Variants in RASGRP1 observed in about 807,000 individuals in gnomAD.
The protein encoded by RASGRP1 is RAS guanyl-releasing protein 1.
RASGRP1 carries 37 observed loss-of-function variants against 95.1 expected under a neutral mutation model. That is an observed-to-expected ratio of 0.39 (90% CI 0.30 to 0.51). The LOEUF is 0.51. Among genes scored for constraint, RASGRP1 ranks in the 20% least tolerant of loss-of-function variants. The pLI, the probability that RASGRP1 is intolerant of heterozygous loss-of-function variation, is 0.80. For missense variants in RASGRP1, 711 were observed against 965.4 expected, an observed-to-expected ratio of 0.74 and a Z score of 3.49; for synonymous variants, 325 against 353.4, an observed-to-expected ratio of 0.92 and a Z score of 0.90.
At chr15:38,496,073 G>C (rs1244488182) in intron 15 of RASGRP1, among the ~76,000 whole-genome samples, 3 of 152,020 alleles carry the variant, frequency 2.0e-5, no homozygotes, top group Non-Finnish European at 4.4e-5. Flanking sequence ...AATTAGGAGA[G>C]GTACAAGTTT....
chr15:38,511,083 A>G (rs996441782), intron 8 of RASGRP1, among the ~76,000 whole-genome samples: 8 of 152,256 alleles, frequency 5.3e-5, no homozygotes, highest in African/African-American at 1.9e-4. Flanking sequence ...TTAATAAAAC[A>G]TTATGTATTA....
At chr15:38,500,281 C>G (rs1312091056) in intron 13 of RASGRP1, 142 bp from the exon 14 acceptor site, 1 of 772,844 alleles carries the variant, frequency 1.3e-6, no homozygotes, top group Non-Finnish European at 2.2e-6. Context: ...TGTCTTGTCC[C>G]TTCTGACCTT....
At chr15:38,545,250 T>C (rs567343322) in intron 2 of RASGRP1, among the ~76,000 whole-genome samples, 2 of 152,334 alleles carry the variant, frequency 1.3e-5, no homozygotes, top group African/African-American at 4.8e-5. Flanking sequence ...ATTTATCTCC[T>C]CTGCACTCTC....
At chr15:38,511,148 G>A (rs903554804) in intron 8 of RASGRP1, among the ~76,000 whole-genome samples, 5 of 152,082 alleles carry the variant, frequency 3.3e-5, no homozygotes, top group South Asian at 2.1e-4. Context: ...TCAACTATCC[G>A]GAATGTCATT....
chr15:38,540,052 G>T (rs1892805008), intron 2 of RASGRP1, among the ~76,000 whole-genome samples: 1 of 152,048 alleles, frequency 6.6e-6, no homozygotes, highest in South Asian at 2.1e-4. Flanking sequence ...AAGTATCTGG[G>T]ACTATAGGCA....
In RASGRP1 at chr15:38,559,941, G is replaced by A. The variant is rs746190168; in HGVS notation, c.100C>T (p.Pro34Ser). The A allele has an allele frequency of 6.2e-7, 1 of 1,613,654 alleles. No homozygotes were observed. The highest frequency in any genetic ancestry group is 8.5e-7 in the Non-Finnish European group (1 of 1,179,686). ...ARLEAKPANS[P>S]FPSHPSLAHI... ...GCCAAGCTGGGATGGGAGGGGAAGG[G>A]GCTGTTGGCTGGCTTTGCCTCTAGT... is the stretch of plus-strand genomic sequence containing the variant. The change falls in exon 2 of 17, where the codon CCC (proline) becomes TCC (serine). Residue 34 changes from proline to serine, a missense_variant. Physicochemically the swap from Pro to Ser is moderately conservative, Grantham distance 74. Transcript: ENST00000310803.
intron 8 of RASGRP1, among the ~76,000 whole-genome samples, chr15:38,510,031 G>A (rs12438657): frequency 0.16 from 23,879 of 152,182 alleles, 2,119 homozygotes; most frequent in East Asian, 0.42. Flanking sequence ...AGGCATGGAA[G>A]GGGCTCACAA....
intron 2 of RASGRP1, among the ~76,000 whole-genome samples, chr15:38,548,042 C>T (rs959200676): frequency 6.7e-6 from 1 of 149,648 alleles, no homozygotes; most frequent in Non-Finnish European, 1.5e-5. Context: ...TTGGGGAATG[C>T]GCTGTGACAC....
At chr15:38,554,512 C>G (rs1396902233) in intron 2 of RASGRP1, among the ~76,000 whole-genome samples, 1 of 152,148 alleles carries the variant, frequency 6.6e-6, no homozygotes. Flanking sequence ...ACAGCGGGGC[C>G]TGCAACAAAC....
Position 38,516,218 on chromosome 15 carries a change from G to A in RASGRP1, c.654C>T (p.Phe218=), listed in dbSNP as rs1891778235. Residue 218 remains phenylalanine (F), a synonymous_variant, in exon 6 of 17, where the codon TTC becomes TTT. Transcript: ENST00000310803. ...ELSEHLTYLE[F]KSFRRISFSD... is the part of the protein sequence containing the mutation. ...ATACCGATATCCTCCGGAAAGACTTGAACTCAAGGTAGGTGAGGTGCTCGG... is the reference window on the plus strand; with the variant it reads ...ATACCGATATCCTCCGGAAAGACTTAAACTCAAGGTAGGTGAGGTGCTCGG... 2 of 1,599,958 alleles carry A rather than the reference G, an allele frequency of 1.3e-6. No individual in the cohort carries two copies. The highest frequency in any genetic ancestry group is 1.7e-4 in the Middle Eastern group (1 of 6,024).
chr15:38,551,057 G>A (rs1157187892), intron 2 of RASGRP1, among the ~76,000 whole-genome samples: 1 of 152,146 alleles, frequency 6.6e-6, no homozygotes, highest in African/African-American at 2.4e-5. Flanking sequence ...ATGCTCAAAA[G>A]TTAGCTATTA....
intron 2 of RASGRP1, among the ~76,000 whole-genome samples, chr15:38,529,985 T>A (rs1892377091): frequency 1.3e-5 from 2 of 152,242 alleles, no homozygotes; most frequent in Admixed American, 1.3e-4. Context: ...TTGTACTCTG[T>A]CCAGGTAGGG....
At chr15:38,496,218 A>G (rs933073622) in intron 15 of RASGRP1, among the ~76,000 whole-genome samples, 10 of 152,256 alleles carry the variant, frequency 6.6e-5, no homozygotes, top group Non-Finnish European at 4.4e-5. Flanking sequence ...ATGATATCCA[A>G]TAGTCATTTT....
chr15:38,535,004 A>C (rs1369764271), intron 2 of RASGRP1, among the ~76,000 whole-genome samples: 1 of 152,118 alleles, frequency 6.6e-6, no homozygotes, highest in African/African-American at 2.4e-5. Context: ...GAACCACACT[A>C]TTCTCTCTGG....
At position 38,507,778 on chromosome 15, in the gene RASGRP1, T is replaced by G; in HGVS notation, c.1190A>C (p.Gln397Pro). 6.2e-7 allele frequency: 1 copy of G among 1,604,172 alleles called. No homozygotes were observed. Among genetic ancestry groups the G allele is most frequent in the Non-Finnish European group, 8.5e-7 (1 of 1,175,446 alleles). ...YNHISELVQL[Q>P]EVAPPLEANK... is the part of the protein sequence containing the mutation. ...AGCCTCCAAGGGTGGGGCCACCTCT[T>G]GCAGCTGGACCAATTCACTGATATG... is the stretch of plus-strand genomic sequence containing the variant. The change falls in exon 9 of 17, where the codon CAA (glutamine) becomes CCA (proline). Residue 397 changes from glutamine (Q) to proline (P), a missense_variant. By Grantham distance (76) the Gln-to-Pro change is moderately conservative. Transcript: ENST00000310803.
chr15:38,554,469 C>G (rs1021018703), intron 2 of RASGRP1, among the ~76,000 whole-genome samples: 1 of 152,196 alleles, frequency 6.6e-6, no homozygotes, highest in Non-Finnish European at 1.5e-5. Context: ...GAGACACTGT[C>G]TAACTTACGC....
chr15:38,506,537 A>T (rs961490484), intron 9 of RASGRP1, among the ~76,000 whole-genome samples: 3 of 145,650 alleles, frequency 2.1e-5, no homozygotes, highest in Non-Finnish European at 4.5e-5. Context: ...CAGGAGGCTG[A>T]GGTGGGAGGA....
At chr15:38,551,589 T>C (rs1467114767) in intron 2 of RASGRP1, among the ~76,000 whole-genome samples, 2 of 152,338 alleles carry the variant, frequency 1.3e-5, no homozygotes, top group Admixed American at 6.5e-5. Context: ...ATCTTTGGAA[T>C]AGGGATTTTT....
At chr15:38,494,245 G>A in intron 16 of RASGRP1, 137 bp downstream of exon 16, 1 of 1,148,868 alleles carries the variant, frequency 8.7e-7, no homozygotes, top group East Asian at 2.6e-5. Context: ...CTCCCTCCCT[G>A]TTTCTCCCCT....
Sources: gnomAD v4.1 joint callset for allele counts (sites outside exome capture counted in the v4.1 genomes callset) on GRCh38, gnomAD v4.1.1 for gene constraint, MANE v1.5 for transcripts, NCBI Gene and HGNC (gene_info 2026-07-23, HGNC 2026-07-21) for gene names.